Variants in RARS2 observed in about 807,000 individuals in gnomAD.
RARS2 encodes arginyl-tRNA synthetase 2, mitochondrial, also known as probable arginine--tRNA ligase, mitochondrial.
A neutral mutation model predicts 88.5 loss-of-function variants in RARS2; 67 were observed. That is an observed-to-expected ratio of 0.76 (90% CI 0.62 to 0.93). The LOEUF is 0.93. Ranked by LOEUF, RARS2 falls within the 40% of genes least tolerant of loss-of-function variation. The pLI is 0.00. For synonymous variants in RARS2, 239 were observed against 230.3 expected, an observed-to-expected ratio of 1.04 and a Z score of -0.34; for missense variants, 664 against 684.2, an observed-to-expected ratio of 0.97 and a Z score of 0.33.
intron 6 of RARS2, among the ~76,000 whole-genome samples, chr6:87,547,123 T>C (rs1018712106): frequency 6.6e-6 from 1 of 152,232 alleles, no homozygotes; most frequent in African/African-American, 2.4e-5. Flanking sequence ...ATATAATACA[T>C]GAAGACACAG....
At chr6:87,568,848 T>C (rs927130213) in intron 2 of RARS2, among the ~76,000 whole-genome samples, 2 of 152,210 alleles carry the variant, frequency 1.3e-5, no homozygotes, top group Admixed American at 6.5e-5. Context: ...TTAACTTCTT[T>C]TCAAAGCTTA....
chr6:87,573,999 C>G (rs1770631593), intron 1 of RARS2, among the ~76,000 whole-genome samples: 1 of 152,222 alleles, frequency 6.6e-6, no homozygotes, highest in South Asian at 2.1e-4. Flanking sequence ...TAACAATTCT[C>G]ATTAACACCC....
rs1775952761 is a variant in RARS2 at position 87,526,941 on chromosome 6, G to A, written c.879-2289C>T. Among the ~76,000 whole-genome samples, 3 of 151,900 alleles carry A rather than the reference G, an allele frequency of 2.0e-5. No individual in the cohort carries two copies. In the South Asian group the frequency reaches 6.2e-4, roughly 32 times the overall value. ...CCACCTCAGCCTCCCAAAGTGCTGGGATTACAGGCGTGAGCCACCATGCCC... is the reference window on the plus strand; with the variant it reads ...CCACCTCAGCCTCCCAAAGTGCTGGAATTACAGGCGTGAGCCACCATGCCC... On this transcript the variant is annotated intron_variant, in intron 10 of 19. Coordinates refer to ENST00000369536, the MANE Select transcript of RARS2 (RefSeq NM_020320.5).
chr6:87,569,310 C>G (rs1198734685), intron 2 of RARS2, among the ~76,000 whole-genome samples: 1 of 152,150 alleles, frequency 6.6e-6, no homozygotes, highest in Admixed American at 6.5e-5. Context: ...AATACACAAT[C>G]TGCCATATCA....
At position 87,529,637 on chromosome 6, in the gene RARS2, T is replaced by C. The variant is rs770878816; in HGVS notation, c.783A>G (p.Val261=). 3.1e-5 allele frequency: 49 copies of C among 1,599,766 alleles called. 1 individual carries two copies. The East Asian group carries it at 9.6e-4, about 31-fold the overall frequency. Residue 261 remains valine (V), a synonymous_variant, in exon 10 of 20, where the codon GTA becomes GTG. Coordinates refer to ENST00000369536, the MANE Select transcript of RARS2 (RefSeq NM_020320.5). ...EYIRVYKRLG[V]YFDEYSGESF... is the part of the protein sequence containing the mutation. ...ATTCTCCTGAATATTCATCAAAATA[T>C]ACTCCCAGACGCTAAAAGAGTTCAG... is the stretch of plus-strand genomic sequence containing the variant.
intron 1 of RARS2, among the ~76,000 whole-genome samples, chr6:87,570,907 A>C (rs1769477800): frequency 6.6e-6 from 1 of 152,148 alleles, no homozygotes; most frequent in African/African-American, 2.4e-5. Flanking sequence ...TCTTTGCAAC[A>C]ATCCCAGACT....
intron 13 of RARS2, 46 bp downstream of exon 13, chr6:87,520,134 G>A (rs765195423): frequency 6.7e-7 from 1 of 1,496,988 alleles, no homozygotes; most frequent in Admixed American, 1.7e-5. Context: ...ACATTTTCAG[G>A]CTCAGCTGAC....
At chr6:87,537,125 G>C (rs145425149) in intron 8 of RARS2, among the ~76,000 whole-genome samples, 1 of 152,342 alleles carries the variant, frequency 6.6e-6, no homozygotes, top group East Asian at 1.9e-4. Context: ...AGAGAATACT[G>C]ATCATAGTTC....
At position 87,516,838 on chromosome 6, in the gene RARS2, G is replaced by A; in HGVS notation, c.1554C>T (p.Pro518=). 1.2e-6 allele frequency: 2 copies of A among 1,613,758 alleles called. No individual in the cohort carries two copies. The highest frequency in any genetic ancestry group is 1.1e-5 in the South Asian group (1 of 91,078). The part of the protein sequence containing the change: ...VLYKSSQDFQ[P]RHIVSYLLTL... ...TTAGAAGGTAACTGACGATATGCCT[G>A]GGTTGAAAGTCCTGAGATGATTTAT... The change falls in exon 18 of 20, where the codon CCC becomes CCT. Residue 518 remains proline (P), a synonymous_variant. Coordinates refer to ENST00000369536, the MANE Select transcript of RARS2 (RefSeq NM_020320.5).
rs368215453 is a variant in RARS2, at chr6:87,516,773, T to C, written c.1586+33A>G. The C allele has an allele frequency of 7.3e-5, 117 of 1,610,618 alleles. No homozygotes were observed. The African/African-American group carries it at 1.2e-3, about 17-fold the overall frequency. On this transcript the variant is annotated intron_variant, in intron 18 of 19. Coordinates refer to ENST00000369536, the MANE Select transcript of RARS2 (RefSeq NM_020320.5). Reference sequence around the variant, plus strand: ...GATGAAAGAAAGGTCTCAAATGCCATTAACACCTGAAAACAGGAAGATTAT... The same window carrying C: ...GATGAAAGAAAGGTCTCAAATGCCACTAACACCTGAAAACAGGAAGATTAT...
chr6:87,556,196 A>G (rs1785826755), intron 4 of RARS2, among the ~76,000 whole-genome samples: 1 of 152,228 alleles, frequency 6.6e-6, no homozygotes, highest in South Asian at 2.1e-4. Context: ...TTAGTTATTA[A>G]CATAGAACTA....
intron 2 of RARS2, among the ~76,000 whole-genome samples, chr6:87,565,273 T>A (rs1333560540): frequency 2.0e-5 from 3 of 152,198 alleles, no homozygotes; most frequent in African/African-American, 4.8e-5. Context: ...ACATATTTTT[T>A]AAATGTTGTA....
chr6:87,589,585 A>G (rs997593046), intron 1 of RARS2: 5 of 821,032 alleles, frequency 6.1e-6, no homozygotes, highest in Admixed American at 6.2e-5. Flanking sequence ...CAATGTCACT[A>G]AAGTGTAAAG....
At chr6:87,539,856 A>G (rs1159944552) in intron 8 of RARS2, among the ~76,000 whole-genome samples, 2 of 152,206 alleles carry the variant, frequency 1.3e-5, no homozygotes, top group East Asian at 3.8e-4. Context: ...TTCTAAATAA[A>G]CATTTTTACA....
rs550223919 is a variant in RARS2, at chr6:87,515,456, C to G, written c.1587-436G>C. 1.2e-3 allele frequency among the ~76,000 whole-genome samples: 178 copies of G among 151,230 alleles called. 2 individuals are homozygous for G. Among genetic ancestry groups the G allele is most frequent in the Non-Finnish European group, 8.0e-4 (54 of 67,762 alleles). ...AATGGCGTGAACCCAGGAGGCAGAGCTTGCAGTGAGCCGAGATCACGCCAC... is the reference window on the plus strand; with the variant it reads ...AATGGCGTGAACCCAGGAGGCAGAGGTTGCAGTGAGCCGAGATCACGCCAC... On this transcript the variant is annotated intron_variant, in intron 18 of 19. Transcript: ENST00000369536.
At chr6:87,518,803 C>G in intron 15 of RARS2, 21 bp downstream of exon 15, 1 of 1,613,384 alleles carries the variant, frequency 6.2e-7, no homozygotes, top group Non-Finnish European at 8.5e-7. Context: ...AAGGGCCTCA[C>G]AGGTAGGAGT....
At chr6:87,540,134 C>T (rs1199744789) in intron 8 of RARS2, among the ~76,000 whole-genome samples, 1 of 151,940 alleles carries the variant, frequency 6.6e-6, no homozygotes, top group Non-Finnish European at 1.5e-5. Flanking sequence ...GGGAAAATGG[C>T]AAACCTTTAA....
chr6:87,522,700 A>G (rs1353290255), intron 11 of RARS2, among the ~76,000 whole-genome samples: 3 of 152,182 alleles, frequency 2.0e-5, no homozygotes, highest in Non-Finnish European at 4.4e-5. Context: ...CATGTTGGCC[A>G]GGCTGGTTTC....
chr6:87,575,277 A>ACACACC (rs1422126329), intron 1 of RARS2, among the ~76,000 whole-genome samples: 93 of 140,138 alleles, frequency 6.6e-4, no homozygotes, highest in Middle Eastern at 3.8e-3. Context: ...ACACACACAC[A>ACACACC]CCTTGGCTTC....
Sources: gnomAD v4.1 joint callset for allele counts (sites outside exome capture counted in the v4.1 genomes callset) on GRCh38, gnomAD v4.1.1 for gene constraint, MANE v1.5 for transcripts, NCBI Gene and HGNC (gene_info 2026-07-23, HGNC 2026-07-21) for gene names.